The following COL19A1 variants were observed in gnomAD, a reference collection of about 807,000 sequenced individuals.
The protein encoded by COL19A1 is collagen type XIX alpha 1 chain.
COL19A1 carries 159 observed loss-of-function variants against 190.2 expected under a neutral mutation model. That is an observed-to-expected ratio of 0.84 (90% CI 0.73 to 0.95). The LOEUF (loss-of-function observed/expected upper bound fraction) is 0.95, where lower values mean the gene tolerates loss of function less well. COL19A1 is among the 40% of genes least tolerant of loss of function. The pLI is 0.00. For synonymous variants in COL19A1, 509 were observed against 458.9 expected, an observed-to-expected ratio of 1.11 and a Z score of -1.39; for missense variants, 1,418 against 1,431.9, an observed-to-expected ratio of 0.99 and a Z score of 0.16.
chr6:70,070,732 C>A (rs1781496931), intron 15 of COL19A1, among the ~76,000 whole-genome samples: 1 of 152,084 alleles, frequency 6.6e-6, no homozygotes, highest in Non-Finnish European at 1.5e-5. Context: ...GAGTACTCAG[C>A]TCTTTCAGAC....
chr6:70,041,783 G>A (rs1779648689), intron 14 of COL19A1, among the ~76,000 whole-genome samples: 1 of 152,122 alleles, frequency 6.6e-6, no homozygotes, highest in African/African-American at 2.4e-5. Flanking sequence ...CAGGCATGGT[G>A]GCTCATACCT....
intron 11 of COL19A1, among the ~76,000 whole-genome samples, chr6:70,023,222 C>T (rs1048439203): frequency 1.3e-5 from 2 of 151,546 alleles, no homozygotes; most frequent in Non-Finnish European, 2.9e-5. Context: ...CAACCTCCGC[C>T]TCCCAGGTTC....
intron 4 of COL19A1, among the ~76,000 whole-genome samples, chr6:69,925,310 C>G (rs1215574283): frequency 6.6e-6 from 1 of 152,136 alleles, no homozygotes; most frequent in East Asian, 1.9e-4. Flanking sequence ...ATATGGCAAG[C>G]CAGTATTCCC....
At position 70,185,022 on chromosome 6, in the gene COL19A1, A is replaced by G. The variant is rs2296004; in HGVS notation, c.2856+107A>G. 0.028 allele frequency: 29,503 copies of G among 1,041,634 alleles called. 905 individuals carry two copies. The highest frequency in any genetic ancestry group is 0.1 in the African/African-American group (6,389 of 62,300). 64.5% of individuals were successfully genotyped at this position (1,041,634 alleles called of 1,614,324 possible). The stretch of plus-strand genomic sequence containing the variant: ...TAGACCCCTGCAAATCACCAAATCT[A>G]TAAAGGCTAGGGTGTAGGCGATCAA... On this transcript the variant is annotated intron_variant, in intron 46 of 50. Transcript: ENST00000620364.
Position 70,168,734 on chromosome 6 carries a change from T to C in COL19A1, c.2568+53T>C, listed in dbSNP as rs928343486. The C allele has an allele frequency of 2.0e-5, 32 of 1,599,910 alleles. No individual in the cohort carries two copies. In the South Asian group the frequency reaches 3.6e-4, roughly 18 times the overall value. ...TTTAGAATATTGGTCTTTGTTAAAT[T>C]TTGAAAGAAAAGCATCGGGCAAAAT... On this transcript the variant is annotated intron_variant, in intron 40 of 50. Coordinates refer to ENST00000620364, the MANE Select transcript of COL19A1 (RefSeq NM_001858.6).
chr6:70,070,012 A>C (rs1781453108), intron 15 of COL19A1, among the ~76,000 whole-genome samples: 1 of 152,160 alleles, frequency 6.6e-6, no homozygotes, highest in South Asian at 2.1e-4. Flanking sequence ...GTGTAACACC[A>C]GCCTAGGCTA....
intron 46 of COL19A1, among the ~76,000 whole-genome samples, chr6:70,187,167 A>C (rs1298052834): frequency 6.6e-6 from 1 of 152,174 alleles, no homozygotes; most frequent in Non-Finnish European, 1.5e-5. Context: ...GGCGTGAGCC[A>C]CCGCGCCTGG....
intron 14 of COL19A1, among the ~76,000 whole-genome samples, chr6:70,055,359 G>A (rs980330775): frequency 2.0e-5 from 3 of 151,080 alleles, no homozygotes; most frequent in Admixed American, 2.0e-4. Context: ...AATTACACAT[G>A]TACCAGGTTG....
intron 6 of COL19A1, 51 bp downstream of exon 6, chr6:69,929,751 A>AG (rs1423304746): frequency 1.3e-6 from 2 of 1,510,478 alleles, no homozygotes; most frequent in Non-Finnish European, 1.8e-6. Context: ...TAAGTAAAAA[A>AG]AAAATCTTAT....
chr6:69,877,968 G>A (rs1388604465), intron 1 of COL19A1, among the ~76,000 whole-genome samples: 7 of 151,966 alleles, frequency 4.6e-5, no homozygotes, highest in East Asian at 1.9e-4. Flanking sequence ...CCGAGATCGC[G>A]CCACTGCACT....
intron 1 of COL19A1, among the ~76,000 whole-genome samples, chr6:69,872,518 A>G (rs181272442): frequency 7.2e-5 from 11 of 152,326 alleles, no homozygotes; most frequent in Admixed American, 4.6e-4. Flanking sequence ...AAAAATCTAT[A>G]TCCTTATTCA....
At chr6:70,034,982 T>C (rs1177721494) in intron 13 of COL19A1, among the ~76,000 whole-genome samples, 2 of 152,230 alleles carry the variant, frequency 1.3e-5, no homozygotes, top group East Asian at 3.8e-4. Context: ...AGTGTTCCCT[T>C]AGCAACTGTT....
At chr6:69,892,795 T>C (rs1230216978) in intron 2 of COL19A1, among the ~76,000 whole-genome samples, 1 of 152,186 alleles carries the variant, frequency 6.6e-6, no homozygotes, top group East Asian at 1.9e-4. Flanking sequence ...GCTTCTATCA[T>C]CCCTGCAAGT....
At chr6:69,957,558 A>G (rs1774497442) in intron 9 of COL19A1, among the ~76,000 whole-genome samples, 1 of 150,772 alleles carries the variant, frequency 6.6e-6, no homozygotes, top group Admixed American at 6.6e-5. Flanking sequence ...CCCCGTAATG[A>G]AAAAAAAACC....
intron 11 of COL19A1, among the ~76,000 whole-genome samples, chr6:70,001,078 T>C (rs1777231396): frequency 1.3e-5 from 2 of 152,218 alleles, no homozygotes; most frequent in Non-Finnish European, 2.9e-5. Flanking sequence ...ATTTCAGTTT[T>C]CTGGGTATGG....
chr6:70,043,193 CTTT>C (rs548148887), intron 14 of COL19A1, among the ~76,000 whole-genome samples: 8 of 145,332 alleles, frequency 5.5e-5, no homozygotes, highest in Admixed American at 6.9e-5. Flanking sequence ...ATTTCTTCTT[CTTT>C]TTTTTTTTTT....
rs17766252 is a variant in COL19A1, at chr6:69,951,637, C to T, written c.937-8359C>T. 7.4e-3 allele frequency among the ~76,000 whole-genome samples: 1,119 copies of T among 151,850 alleles called. 9 individuals are homozygous for T. Among genetic ancestry groups the T allele is most frequent in the Non-Finnish European group, 0.011 (762 of 67,858 alleles). On this transcript the variant is annotated intron_variant, in intron 9 of 50. Transcript: ENST00000620364. The stretch of plus-strand genomic sequence containing the variant: ...ATTCCTCACTTATTATAAATATGTA[C>T]AAGAATATAAACTTTTACAATAATA...
chr6:70,030,831 T>G (rs1779021006), intron 12 of COL19A1, among the ~76,000 whole-genome samples: 1 of 152,166 alleles, frequency 6.6e-6, no homozygotes, highest in Admixed American at 6.5e-5. Flanking sequence ...GCTTCCAGCA[T>G]GTGCCAACTC....
rs530981878 is a variant in COL19A1 at position 70,072,850 on chromosome 6, A to G, written c.1224+4374A>G. 5.3e-5 allele frequency among the ~76,000 whole-genome samples: 8 copies of G among 152,280 alleles called. No homozygotes were observed. The South Asian group carries it at 1.2e-3, about 24-fold the overall frequency. On this transcript the variant is annotated intron_variant, in intron 15 of 50. Transcript: ENST00000620364. ...CCTCCATGAGCTGGGAGCCTACAAAAGTACAGGAGGGCAGGGCAAGCAACA... is the reference window on the plus strand; with the variant it reads ...CCTCCATGAGCTGGGAGCCTACAAAGGTACAGGAGGGCAGGGCAAGCAACA...
Sources: gnomAD v4.1 joint callset for allele counts (sites outside exome capture counted in the v4.1 genomes callset) on GRCh38, gnomAD v4.1.1 for gene constraint, MANE v1.5 for transcripts, NCBI Gene and HGNC (gene_info 2026-07-23, HGNC 2026-07-21) for gene names.